JMJD1C: variants seen among roughly 807,000 people sequenced by gnomAD.
JMJD1C encodes jumonji domain-containing protein 1C.
In JMJD1C, 31 loss-of-function variants were observed where a neutral mutation model predicts 245.3. That is an observed-to-expected ratio of 0.13 (90% CI 0.09 to 0.17). The LOEUF (loss-of-function observed/expected upper bound fraction) is 0.17, where lower values mean the gene tolerates loss of function less well. JMJD1C is among the 10% of genes least tolerant of loss of function. The pLI is 1.00. For synonymous variants in JMJD1C, 1,057 were observed against 1,017.4 expected, an observed-to-expected ratio of 1.04 and a Z score of -0.74; for missense variants, 2,691 against 3,000.2, an observed-to-expected ratio of 0.90 and a Z score of 2.41.
chr10:63,190,843 A>T, intron 17 of JMJD1C, 51 bp downstream of exon 17: 4 of 1,400,474 alleles, frequency 2.9e-6, no homozygotes, highest in Non-Finnish European at 4.1e-6. Flanking sequence ...AAGTCTCCAA[A>T]TCATCTCTAT....
At chr10:63,219,007 G>A (rs576012421) in intron 4 of JMJD1C, among the ~76,000 whole-genome samples, 5 of 152,264 alleles carry the variant, frequency 3.3e-5, no homozygotes, top group African/African-American at 7.2e-5. Flanking sequence ...TTTGATAGAA[G>A]GGGGTATGGA....
chr10:63,175,718 G>GTAGCCCCA, intron 24 of JMJD1C, among the ~76,000 whole-genome samples: 1 of 152,302 alleles, frequency 6.6e-6, no homozygotes, highest in Non-Finnish European at 1.5e-5. Context: ...CTGGGCTGTA[G>GTAGCCCCA]TAGCCCCATT....
Position 63,465,749 on chromosome 10 carries a change from G to A in JMJD1C, c.-87C>T, listed in dbSNP as rs1462094638. On this transcript the variant is annotated 5_prime_UTR_variant, in exon 1 of 26. Transcript: ENST00000399262. ...TCCTACCGGCCGCTCATGCTGAGGA[G>A]AGCGGACCGGGACACAGCAGCGGAC... 4 of 1,478,254 alleles carry A rather than the reference G, an allele frequency of 2.7e-6. No individual in the cohort carries two copies. In the Admixed American group the frequency reaches 5.4e-5, roughly 20 times the overall value. The allele number at this position is 1,478,254 out of a possible 1,614,324, so 91.6% of individuals were successfully genotyped here. A position where few individuals can be genotyped will look rare whatever the true frequency, so the allele number is the denominator to read the frequency against.
chr10:63,341,174 C>T (rs1212760167), intron 2 of JMJD1C, among the ~76,000 whole-genome samples: 1 of 152,100 alleles, frequency 6.6e-6, no homozygotes, highest in Non-Finnish European at 1.5e-5. Flanking sequence ...TATAAATACT[C>T]AATAGGTGGG....
At chr10:63,288,776 G>A (rs1166087595) in intron 2 of JMJD1C, among the ~76,000 whole-genome samples, 1 of 151,960 alleles carries the variant, frequency 6.6e-6, no homozygotes, top group African/African-American at 2.4e-5. Context: ...CTACTTGGGA[G>A]GCTGAGGCAT....
At chr10:63,446,043 T>C (rs1459580000) in intron 1 of JMJD1C, among the ~76,000 whole-genome samples, 47 of 151,730 alleles carry the variant, frequency 3.1e-4, no homozygotes, top group South Asian at 1.3e-3. Context: ...GCCTAGCTAA[T>C]TTTTTGTATT....
At chr10:63,295,698 T>C (rs1452909115) in intron 2 of JMJD1C, among the ~76,000 whole-genome samples, 3 of 152,058 alleles carry the variant, frequency 2.0e-5, no homozygotes, top group African/African-American at 7.2e-5. Context: ...TAGGTACAAT[T>C]GATTCTTGTT....
chr10:63,205,786 G>A (rs1372709751), intron 10 of JMJD1C, among the ~76,000 whole-genome samples: 2 of 152,082 alleles, frequency 1.3e-5, no homozygotes, highest in African/African-American at 4.8e-5. Context: ...ACAGTCTTAC[G>A]ATCTTATATG....
chr10:63,266,028 G>C (rs1855534252), intron 2 of JMJD1C, among the ~76,000 whole-genome samples: 1 of 151,890 alleles, frequency 6.6e-6, no homozygotes, highest in Admixed American at 6.6e-5. Context: ...ATTTCAGGTT[G>C]ACTCACTGCA....
chr10:63,441,515 C>G (rs1388058904), intron 1 of JMJD1C, among the ~76,000 whole-genome samples: 1 of 152,182 alleles, frequency 6.6e-6, no homozygotes, highest in Non-Finnish European at 1.5e-5. Flanking sequence ...ACAGGAAGTA[C>G]TATATTAATG....
chr10:63,231,993 T>A (rs963089372), intron 3 of JMJD1C, among the ~76,000 whole-genome samples: 8 of 151,914 alleles, frequency 5.3e-5, no homozygotes, highest in African/African-American at 1.9e-4. Flanking sequence ...ACTGCCACCA[T>A]GCCCAGCTAA....
At chr10:63,497,383 G>A (rs1456035439) in intron 1 of JMJD1C, among the ~76,000 whole-genome samples, 1 of 152,152 alleles carries the variant, frequency 6.6e-6, no homozygotes, top group Non-Finnish European at 1.5e-5. Flanking sequence ...CAATGTGAAA[G>A]AAGCCAGTCA....
chr10:63,383,236 T>C (rs568108032), intron 1 of JMJD1C, among the ~76,000 whole-genome samples: 14 of 150,360 alleles, frequency 9.3e-5, no homozygotes, highest in Non-Finnish European at 2.1e-4. Flanking sequence ...AAAAAAAAGC[T>C]TATCTATTAG....
chr10:63,284,244 T>C (rs1462339624), intron 2 of JMJD1C, among the ~76,000 whole-genome samples: 1 of 152,160 alleles, frequency 6.6e-6, no homozygotes, highest in Non-Finnish European at 1.5e-5. Flanking sequence ...CAGGCTGGTC[T>C]AGAACTCCTG....
chr10:63,279,611 A>T (rs981843313), intron 2 of JMJD1C, among the ~76,000 whole-genome samples: 10 of 152,112 alleles, frequency 6.6e-5, no homozygotes, highest in Non-Finnish European at 8.8e-5. Context: ...ACAAAAAAAA[A>T]TTTTTAAATT....
chr10:63,507,664 C>G (rs1360325730), intron 1 of JMJD1C, among the ~76,000 whole-genome samples: 1 of 31,454 alleles, frequency 3.2e-5, no homozygotes, highest in Non-Finnish European at 7.3e-5. Flanking sequence ...AAAAAAAAAA[C>G]AGTGGCTGTG....
chr10:63,479,360 C>G (rs983524800), intron 1 of JMJD1C, among the ~76,000 whole-genome samples: 1 of 150,568 alleles, frequency 6.6e-6, no homozygotes, highest in African/African-American at 2.4e-5. Flanking sequence ...GTATCATTAT[C>G]CATTAAAGAC....
rs911598075 is a variant in JMJD1C, at chr10:63,273,522, A to G, written c.334-8758T>C. On this transcript the variant is annotated intron_variant, in intron 2 of 25. Transcript: ENST00000399262. The stretch of plus-strand genomic sequence containing the variant: ...GTCTCCTTAATGCACTCCTGTTCTT[A>G]TAACTCATTAGAGAATGGTAGATCC... Among the ~76,000 whole-genome samples, 4 of 152,356 alleles carry G rather than the reference A, an allele frequency of 2.6e-5. No homozygotes were observed. In the East Asian group the frequency reaches 5.8e-4, roughly 22 times the overall value.
At chr10:63,302,953 A>G (rs137888653) in intron 2 of JMJD1C, among the ~76,000 whole-genome samples, 16 of 152,322 alleles carry the variant, frequency 1.1e-4, no homozygotes, top group Non-Finnish European at 1.9e-4. Context: ...TGCCTATCAT[A>G]GCTCACTGTA....
Sources: allele counts gnomAD v4.1 joint callset (sites outside exome capture counted in the v4.1 genomes callset), GRCh38; gene constraint gnomAD v4.1.1; transcripts MANE v1.5; gene names NCBI Gene and HGNC (gene_info 2026-07-23, HGNC 2026-07-21).